Variants in VPS13C observed in about 807,000 individuals in gnomAD.
VPS13C encodes the protein vacuolar protein sorting 13 homolog C, also known as intermembrane lipid transfer protein VPS13C.
VPS13C carries 358 observed loss-of-function variants against 456.8 expected under a neutral mutation model. The ratio of observed to expected loss-of-function variants is 0.78; its 90% CI spans 0.72 to 0.86. The LOEUF is 0.86. VPS13C is among the 40% of genes least tolerant of loss of function. The pLI is 0.00. For missense variants in VPS13C, 4,818 were observed against 4,385.4 expected (o/e 1.10, Z -2.79); for synonymous variants, 1,578 against 1,486.7 (o/e 1.06, Z -1.41).
In VPS13C at chr15:62,012,130, T is replaced by C. The variant is rs770998033; in HGVS notation, c.860A>G (p.Asn287Ser). ...ACTGTATTGATAATTTGGGGGTATATTTCCACTTGTAAGAATTTCATTTTT... is the reference window on the plus strand; with the variant it reads ...ACTGTATTGATAATTTGGGGGTATACTTCCACTTGTAAGAATTTCATTTTT... The part of the protein sequence containing the change: ...QLKNEILTSG[N>S]IPPNYQYIFQ... The change falls in exon 12 of 85, where the codon AAT becomes AGT. Residue 287 changes from asparagine (N) to serine (S), a missense_variant. Transcript: ENST00000644861. 1 of 1,546,622 alleles carries C rather than the reference T, an allele frequency of 6.5e-7. No homozygotes were observed. Among genetic ancestry groups the C allele is most frequent in the Non-Finnish European group, 8.9e-7 (1 of 1,122,850 alleles).
chr15:61,980,464 A>G (rs539144892), intron 22 of VPS13C, among the ~76,000 whole-genome samples: 2 of 152,172 alleles, frequency 1.3e-5, no homozygotes, highest in South Asian at 4.1e-4. Flanking sequence ...TTTAGCAGAA[A>G]GACACCCAGG....
chr15:61,921,890 C>G (rs2043668335), intron 55 of VPS13C, 57 bp downstream of exon 55: 9 of 1,548,698 alleles, frequency 5.8e-6, no homozygotes, highest in Admixed American at 1.7e-5. Context: ...GAAATAAAAA[C>G]TATGAATGAA....
chr15:61,867,130 C>G lies in VPS13C; in HGVS notation c.10863+1529G>C. On this transcript the variant is annotated intron_variant, in intron 81 of 84. Coordinates refer to ENST00000644861, the MANE Select transcript of VPS13C (RefSeq NM_020821.3). The surrounding 1 kb of genome is among the most constrained non-coding windows in gnomAD (Gnocchi z 5.0). ...GGTTGGTTTTTGAAAATAAAGAAAT[C>G]TATGTATTCAAGTGCCACACAGCAA... is the stretch of plus-strand genomic sequence containing the variant. 4.1e-6 allele frequency: 4 copies of G among 981,432 alleles called. No homozygotes were observed. Among genetic ancestry groups the G allele is most frequent in the Non-Finnish European group, 4.8e-6 (4 of 826,380 alleles). The allele number at this position is 981,432 out of a possible 1,614,324, so 60.8% of individuals were successfully genotyped here. A position where few individuals can be genotyped will look rare whatever the true frequency, so the allele number is the denominator to read the frequency against.
At chr15:61,999,555 G>A (rs1373395143) in intron 16 of VPS13C, among the ~76,000 whole-genome samples, 4 of 152,076 alleles carry the variant, frequency 2.6e-5, no homozygotes, top group African/African-American at 9.7e-5. Context: ...AGGACTAAAA[G>A]GATATACAGA....
At chr15:61,931,355 T>A in intron 49 of VPS13C, 96 bp from the exon 50 acceptor site, 1 of 1,248,442 alleles carries the variant, frequency 8.0e-7, no homozygotes, top group South Asian at 1.7e-5. Context: ...AAAGGCAAAC[T>A]GATCTCATGA....
At chr15:61,933,331 T>C (rs2044122826) in intron 49 of VPS13C, among the ~76,000 whole-genome samples, 1 of 152,162 alleles carries the variant, frequency 6.6e-6, no homozygotes, top group African/African-American at 2.4e-5. Context: ...AATAAGGCAG[T>C]TCATTGCATA....
chr15:61,888,545 T>C (rs1188723998), intron 67 of VPS13C, among the ~76,000 whole-genome samples: 1 of 152,022 alleles, frequency 6.6e-6, no homozygotes, highest in Non-Finnish European at 1.5e-5. Flanking sequence ...TGTCAAGCCA[T>C]GAAAAGAAAC....
rs1362582803 is a variant in VPS13C at position 61,915,877 on chromosome 15, G to A, written c.8201C>T (p.Pro2734Leu). The A allele has an allele frequency of 6.2e-7, 1 of 1,613,788 alleles. No individual in the cohort carries two copies. The highest frequency in any genetic ancestry group is 1.3e-5 in the African/African-American group (1 of 74,820). Residue 2734 changes from proline (P) to leucine (L), a missense_variant, in exon 61 of 85, where the codon CCA (proline) becomes CTA (leucine). Around this residue, in one of 3 missense-constraint regions of VPS13C, gnomAD observed 4,552 missense variants for 4,130.6 expected, o/e 1.10. Transcript: ENST00000644861. The part of the protein sequence containing the change: ...NGHFRIRDTL[P>L]EFFPVCFSSD... ...AGAAAAACACACAGGAAAGAATTCT[G>A]GTAGTGTATCACGTATGCGGAAATG...
intron 1 of VPS13C, among the ~76,000 whole-genome samples, chr15:62,057,559 G>C (rs907050062): frequency 4.6e-5 from 7 of 152,202 alleles, no homozygotes; most frequent in Non-Finnish European, 1.0e-4. Flanking sequence ...GCTTTACAGA[G>C]GCAGAGTTGT....
chr15:61,951,757 A>C, intron 39 of VPS13C, 67 bp downstream of exon 39: 5 of 1,472,900 alleles, frequency 3.4e-6, no homozygotes, highest in African/African-American at 2.8e-5. Flanking sequence ...AATATGTTTA[A>C]TGTTGATAAA....
Position 62,028,397 on chromosome 15 carries a change from A to T in VPS13C, c.409T>A (p.Tyr137Asn). The change falls in exon 6 of 85, where the codon TAT (tyrosine) becomes AAT (asparagine). Residue 137 changes from tyrosine (Y) to asparagine (N), a missense_variant. Physicochemically the swap from Tyr to Asn is moderately radical, Grantham distance 143 (BLOSUM62 -2). Coordinates refer to ENST00000644861, the MANE Select transcript of VPS13C (RefSeq NM_020821.3). The part of the protein sequence containing the change: ...EKGTHSGEFI[Y>N]GLENFVYKDI... Reference sequence around the variant, plus strand: ...TTGTAAACAAAGTTCTCCAAGCCATATATGAACTCCCCTGAATGTGTGCCT... The same window carrying T: ...TTGTAAACAAAGTTCTCCAAGCCATTTATGAACTCCCCTGAATGTGTGCCT... 6.2e-7 allele frequency: 1 copy of T among 1,613,102 alleles called. No homozygotes were observed. The highest frequency in any genetic ancestry group is 8.5e-7 in the Non-Finnish European group (1 of 1,179,304).
intron 1 of VPS13C, among the ~76,000 whole-genome samples, chr15:62,048,446 C>T (rs370408824): frequency 2.7e-4 from 41 of 149,560 alleles, no homozygotes; most frequent in South Asian, 6.4e-4. Context: ...TCCTTTTTTA[C>T]GGCTGCATAG....
chr15:61,948,758 A>T (rs1378850666), intron 42 of VPS13C, among the ~76,000 whole-genome samples: 1 of 152,196 alleles, frequency 6.6e-6, no homozygotes, highest in Non-Finnish European at 1.5e-5. Context: ...ACATGCCAGT[A>T]ATACAGGTAA....
chr15:61,869,533 T>C lies in VPS13C; in HGVS notation c.10715A>G (p.Asp3572Gly). Residue 3572 changes from aspartate (D) to glycine (G), a missense_variant, in exon 80 of 85, where the codon GAT becomes GGT. Around this residue, in one of 3 missense-constraint regions of VPS13C, gnomAD observed 261 missense variants for 234.1 expected, o/e 1.11. Coordinates refer to ENST00000644861, the MANE Select transcript of VPS13C (RefSeq NM_020821.3). ...AVARPTGGIV[D>G]MASSTFQGIQ... ...GCCTTGGAAGGTACTACTGGCCATA[T>C]CTACGATTCCACCAGTTGGACGGGC... The C allele has an allele frequency of 1.9e-6, 3 of 1,614,170 alleles. No homozygotes were observed. The highest frequency in any genetic ancestry group is 2.5e-6 in the Non-Finnish European group (3 of 1,180,020).
At chr15:61,870,282 T>G (rs1894922306) in intron 79 of VPS13C, among the ~76,000 whole-genome samples, 1 of 152,010 alleles carries the variant, frequency 6.6e-6, no homozygotes, top group Non-Finnish European at 1.5e-5. Context: ...CATTCCTCCC[T>G]GCCCCTCCCC....
intron 15 of VPS13C, among the ~76,000 whole-genome samples, chr15:62,003,099 T>G (rs556336193): frequency 1.3e-5 from 2 of 152,278 alleles, no homozygotes; most frequent in African/African-American, 2.4e-5. Flanking sequence ...AATCTGTAAA[T>G]TACCTTGGGC....
intron 22 of VPS13C, among the ~76,000 whole-genome samples, chr15:61,979,921 C>T (rs1056274243): frequency 6.6e-6 from 1 of 151,948 alleles, no homozygotes; most frequent in Non-Finnish European, 1.5e-5. Flanking sequence ...AGATGGCTCA[C>T]GTCTGTAATC....
intron 5 of VPS13C, 37 bp downstream of exon 5, chr15:62,033,404 T>C: frequency 7.4e-7 from 1 of 1,342,430 alleles, no homozygotes; most frequent in African/African-American, 1.5e-5. Context: ...ATCTAAAATA[T>C]AGGTATGTCT....
intron 9 of VPS13C, among the ~76,000 whole-genome samples, chr15:62,016,802 A>G (rs1596481713): frequency 1.3e-5 from 2 of 152,030 alleles, no homozygotes; most frequent in East Asian, 1.9e-4. Context: ...TAGGATGGCT[A>G]GGTCAAATGG....
Sources: gnomAD v4.1 joint callset for allele counts (sites outside exome capture counted in the v4.1 genomes callset) on GRCh38, gnomAD v4.1.1 for gene constraint, gnomAD v4.1.1 regional missense constraint, Gnocchi (gnomAD v3.1) non-coding constraint, MANE v1.5 for transcripts, NCBI Gene and HGNC (gene_info 2026-07-23, HGNC 2026-07-21) for gene names.